CLVS1: variants seen among roughly 807,000 people sequenced by gnomAD.
CLVS1 encodes the protein clavesin 1.
A neutral mutation model predicts 33.1 loss-of-function variants in CLVS1; 10 were observed. The observed-to-expected ratio is 0.30, with a 90% CI of 0.19 to 0.51. The LOEUF is 0.51. Among genes scored for constraint, CLVS1 ranks in the 20% least tolerant of loss-of-function variants. CLVS1 has a pLI of 0.97. For synonymous variants in CLVS1, 163 were observed against 166.1 expected (o/e 0.98, Z 0.14); for missense variants, 343 against 433.4 (o/e 0.79, Z 1.85).
intron 5 of CLVS1, 30 bp downstream of exon 5, chr8:61,458,572 C>A (rs200042430): frequency 7.2e-5 from 103 of 1,425,962 alleles, no homozygotes; most frequent in Non-Finnish European, 9.0e-5. Context: ...AGCCCCCCCC[C>A]CAGTCAGAGG....
chr8:61,126,204 ACTGT>A (rs1225778852), intron 1 of CLVS1, among the ~76,000 whole-genome samples: 1 of 151,802 alleles, frequency 6.6e-6, no homozygotes, highest in African/African-American at 2.4e-5. Flanking sequence ...GCACACACAC[ACTGT>A]CTGACTCTCG....
intron 1 of CLVS1, among the ~76,000 whole-genome samples, chr8:61,083,622 C>A (rs1234262253): frequency 6.6e-6 from 1 of 151,698 alleles, no homozygotes; most frequent in African/African-American, 2.4e-5. Context: ...GATAACAAAC[C>A]CAGGATGTTA....
intron 2 of CLVS1, among the ~76,000 whole-genome samples, chr8:61,281,071 C>A (rs558912203): frequency 6.6e-5 from 10 of 152,300 alleles, no homozygotes; most frequent in Admixed American, 2.0e-4. Flanking sequence ...GAATTTGCTA[C>A]ATTTATTCTA....
chr8:61,304,387 T>C (rs1810541478), intron 2 of CLVS1, among the ~76,000 whole-genome samples: 1 of 152,218 alleles, frequency 6.6e-6, no homozygotes, highest in African/African-American at 2.4e-5. Context: ...TGGCCTTGCC[T>C]GGGCATTGGA....
chr8:61,500,573 T>TTTTA lies in CLVS1; in HGVS notation c.*1036_*1039dup, dbSNP rs752800147. ...ATGCAGGATGAAATGTCAAAGGTCA[T>TTTTA]TTTATTTACCTAGTCTCCTTAGAAA... On this transcript the variant is annotated 3_prime_UTR_variant, in exon 6 of 6. Coordinates refer to ENST00000325897, the MANE Select transcript of CLVS1 (RefSeq NM_173519.3). 6.6e-5 allele frequency: 10 copies of TTTTA among 152,222 alleles called. No homozygotes were observed. Among genetic ancestry groups the TTTTA allele is most frequent in the Non-Finnish European group, 1.3e-4 (9 of 68,032 alleles). 9.4% of individuals were successfully genotyped at this position (152,222 alleles called of 1,614,324 possible).
In CLVS1 at chr8:61,322,034, C is replaced by G. The variant is rs76009155; in HGVS notation, c.455+21752C>G. 0.011 allele frequency among the ~76,000 whole-genome samples: 1,692 copies of G among 152,138 alleles called. 96 individuals are homozygous for G. In the East Asian group the frequency reaches 0.18, roughly 16 times the overall value. On this transcript the variant is annotated intron_variant, in intron 2 of 5. Transcript: ENST00000325897. ...TTTTTTTATGGTTGTCTTTCTTTCA[C>G]CTGTACCCTAGCTCCACTAGAATAT... is the stretch of plus-strand genomic sequence containing the variant.
At chr8:61,044,768 A>G in the CLVS1 span, among the ~76,000 whole-genome samples, 1 of 152,292 alleles carries the variant, frequency 6.6e-6, no homozygotes, top group East Asian at 1.9e-4. Context: ...CTGGCCATCA[A>G]CTTTGTATAG....
chr8:61,132,580 G>C (rs1806120927), intron 2 of CLVS1, among the ~76,000 whole-genome samples: 1 of 152,224 alleles, frequency 6.6e-6, no homozygotes, highest in Admixed American at 6.5e-5. Context: ...TTCCATCACA[G>C]ATGTCAGCAT....
chr8:60,976,648 G>C, the CLVS1 span, among the ~76,000 whole-genome samples: 1 of 152,220 alleles, frequency 6.6e-6, no homozygotes, highest in Non-Finnish European at 1.5e-5. Flanking sequence ...AACTATTTTG[G>C]AACTCTGAAG....
chr8:61,103,193 G>T (rs985058460), intron 1 of CLVS1, among the ~76,000 whole-genome samples: 1 of 152,174 alleles, frequency 6.6e-6, no homozygotes, highest in African/African-American at 2.4e-5. Flanking sequence ...GGACTGGGAG[G>T]GTGAAGCACT....
chr8:61,145,539 G>A (rs562815065), intron 2 of CLVS1, among the ~76,000 whole-genome samples: 7 of 152,370 alleles, frequency 4.6e-5, no homozygotes, highest in African/African-American at 1.4e-4. Flanking sequence ...AGCCAGGCCA[G>A]GTCCTTGGGG....
intron 3 of CLVS1, among the ~76,000 whole-genome samples, chr8:61,427,292 T>C (rs1815930551): frequency 6.6e-6 from 1 of 152,178 alleles, no homozygotes; most frequent in South Asian, 2.1e-4. Context: ...CAGCACCTGC[T>C]TTCTTGGTAT....
chr8:61,338,262 T>C (rs928767591), intron 2 of CLVS1, among the ~76,000 whole-genome samples: 1 of 152,226 alleles, frequency 6.6e-6, no homozygotes, highest in South Asian at 2.1e-4. Flanking sequence ...TGCTTCTTTA[T>C]TTCAGAATAG....
the CLVS1 span, among the ~76,000 whole-genome samples, chr8:61,038,437 G>GTGTATATATA: frequency 2.3e-3 from 328 of 142,732 alleles, 1 homozygote; most frequent in African/African-American, 8.1e-3. Flanking sequence ...CCTGTCGTTT[G>GTGTATATATA]TATATATATA....
In CLVS1 at chr8:61,329,535, A is replaced by G. The variant is rs530660590; in HGVS notation, c.455+29253A>G. ...AATAATTCAAATCTTCCTAGCATAA[A>G]GAAAAGAGAGAGATTTAAGGTGATG... On this transcript the variant is annotated intron_variant, in intron 2 of 5. Transcript: ENST00000325897. Among the ~76,000 whole-genome samples, 13 of 152,350 alleles carry G rather than the reference A, an allele frequency of 8.5e-5. No individual in the cohort carries two copies. The South Asian group carries it at 2.5e-3, about 29-fold the overall frequency.
chr8:61,130,141 G>A (rs1454942547), intron 1 of CLVS1, among the ~76,000 whole-genome samples: 1 of 151,968 alleles, frequency 6.6e-6, no homozygotes, highest in Non-Finnish European at 1.5e-5. Context: ...GGGAGGCTGA[G>A]GCAGGAGAAT....
At chr8:61,214,148 C>T (rs1808036071) in intron 2 of CLVS1, among the ~76,000 whole-genome samples, 1 of 152,200 alleles carries the variant, frequency 6.6e-6, no homozygotes, top group African/African-American at 2.4e-5. Context: ...TTATCAATGA[C>T]AATGGTGCCT....
chr8:61,464,347 T>C (rs910476154), intron 5 of CLVS1, among the ~76,000 whole-genome samples: 5 of 152,218 alleles, frequency 3.3e-5, no homozygotes, highest in Non-Finnish European at 7.3e-5. Context: ...CCATCCGTGG[T>C]ACACTTGTCT....
chr8:61,087,324 A>T (rs6471917), intron 1 of CLVS1, among the ~76,000 whole-genome samples: 78,134 of 151,982 alleles, frequency 0.51, 21,325 homozygotes, highest in East Asian at 0.71. Context: ...GGCGTACCAC[A>T]TGGCTGTCAC....
Sources: allele counts gnomAD v4.1 joint callset (sites outside exome capture counted in the v4.1 genomes callset), GRCh38; gene constraint gnomAD v4.1.1; transcripts MANE v1.5; gene names NCBI Gene and HGNC (gene_info 2026-07-23, HGNC 2026-07-21).